Variants in MYO1D observed in about 807,000 individuals in gnomAD.
MYO1D encodes the protein unconventional myosin-Id.
In MYO1D, 83 loss-of-function variants were observed where a neutral mutation model predicts 122.0. That is an observed-to-expected ratio of 0.68 (90% confidence interval 0.57 to 0.82). The LOEUF (loss-of-function observed/expected upper bound fraction) is 0.82, where lower values mean the gene tolerates loss of function less well. MYO1D is among the 40% of genes least tolerant of loss of function. The pLI is 0.00. For missense variants in MYO1D, 1,157 were observed against 1,269.5 expected (o/e 0.91, Z 1.35); for synonymous variants, 464 against 446.9 (o/e 1.04, Z -0.48).
intron 21 of MYO1D, among the ~76,000 whole-genome samples, chr17:32,577,436 T>A (rs960451616): frequency 6.6e-6 from 1 of 152,054 alleles, no homozygotes; most frequent in African/African-American, 2.4e-5. Flanking sequence ...CCTGCCAGGA[T>A]AAGTGATTTA....
At position 32,778,424 on chromosome 17, in the gene MYO1D, GT is replaced by G. The variant is rs753454337; in HGVS notation, c.398+55del. 1.7e-4 allele frequency: 256 copies of G among 1,538,430 alleles called. 1 individual carries two copies. In the Admixed American group the frequency reaches 2.2e-3, roughly 13 times the overall value. ...ACCCCTAGAGTTTAGGTCTAGCCAA[GT>G]CCATAGAGAAAACAGAGTGCTAAGA... is the stretch of plus-strand genomic sequence containing the variant. On this transcript the variant is annotated intron_variant, in intron 3 of 21. Coordinates refer to ENST00000318217, the MANE Select transcript of MYO1D (RefSeq NM_015194.3).
chr17:32,664,412 C>A (rs1481442178), intron 16 of MYO1D, among the ~76,000 whole-genome samples: 1 of 152,122 alleles, frequency 6.6e-6, no homozygotes, highest in Non-Finnish European at 1.5e-5. Flanking sequence ...GATGACAAAG[C>A]CTCAGAAAGC....
At position 32,683,578 on chromosome 17, in the gene MYO1D, G is replaced by A. The variant is rs2088957650; in HGVS notation, c.2122-24240C>T. On this transcript the variant is annotated intron_variant, in intron 16 of 21. Coordinates refer to ENST00000318217, the MANE Select transcript of MYO1D (RefSeq NM_015194.3). ...AGGCTGCTCGGGGGTCAGGGGTCAGGGACCCACTTGAGGAGGCAGTCTGCC... is the reference window on the plus strand; with the variant it reads ...AGGCTGCTCGGGGGTCAGGGGTCAGAGACCCACTTGAGGAGGCAGTCTGCC... Among the ~76,000 whole-genome samples, 3 of 151,926 alleles carry A rather than the reference G, an allele frequency of 2.0e-5. 1 individual carries two copies. The South Asian group carries it at 6.2e-4, about 32-fold the overall frequency.
chr17:32,761,000 A>G (rs144686848), intron 8 of MYO1D, among the ~76,000 whole-genome samples: 1 of 152,296 alleles, frequency 6.6e-6, no homozygotes, highest in African/African-American at 2.4e-5. Flanking sequence ...GTGAGTTAAT[A>G]TCTATGATCC....
chr17:32,700,240 C>G (rs1359894896), intron 16 of MYO1D, among the ~76,000 whole-genome samples: 2 of 152,206 alleles, frequency 1.3e-5, no homozygotes, highest in Non-Finnish European at 2.9e-5. Flanking sequence ...TGAAACTGTT[C>G]CATCAGATCA....
chr17:32,748,892 A>C, intron 12 of MYO1D, 44 bp downstream of exon 12: 2 of 1,517,480 alleles, frequency 1.3e-6, no homozygotes, highest in Non-Finnish European at 1.8e-6. Context: ...TTCTAAAGTG[A>C]GGCGGCATGC....
At position 32,566,329 on chromosome 17, in the gene MYO1D, T is replaced by A. The variant is rs2087173206; in HGVS notation, c.2864+38758A>T. On this transcript the variant is annotated intron_variant, in intron 21 of 21. Transcript: ENST00000318217. ...TCAGGAAAAGGCTTCCTTGGGAAAG[T>A]AGCATTTAAGCTGAAACCTGGAAGA... Among the ~76,000 whole-genome samples the A allele has an allele frequency of 2.0e-5, 3 of 152,218 alleles. No individual in the cohort carries two copies. The South Asian group carries it at 6.2e-4, about 32-fold the overall frequency.
At chr17:32,508,649 G>T (rs562227506) in intron 21 of MYO1D, among the ~76,000 whole-genome samples, 1 of 152,184 alleles carries the variant, frequency 6.6e-6, no homozygotes, top group African/African-American at 2.4e-5. Flanking sequence ...TGCTTACTAA[G>T]TGCCTTACAG....
At chr17:32,518,634 T>A (rs1009511824) in intron 21 of MYO1D, 4 of 152,142 alleles carry the variant, frequency 2.6e-5, no homozygotes, top group Admixed American at 6.6e-5. Context: ...CAGTCAACAC[T>A]AAGACTGGCA....
chr17:32,652,984 T>C (rs1436551554), intron 19 of MYO1D, among the ~76,000 whole-genome samples: 1 of 151,660 alleles, frequency 6.6e-6, no homozygotes, highest in Admixed American at 6.6e-5. Flanking sequence ...TACTAAAGAA[T>C]ACAAAAAATT....
intron 1 of MYO1D, among the ~76,000 whole-genome samples, chr17:32,788,410 T>C (rs776977243): frequency 6.6e-6 from 1 of 152,218 alleles, no homozygotes; most frequent in Admixed American, 6.5e-5. Flanking sequence ...ATAATTTTTA[T>C]GCTTTCAGGT....
At chr17:32,520,992 C>G (rs1030214094) in intron 21 of MYO1D, among the ~76,000 whole-genome samples, 2 of 152,186 alleles carry the variant, frequency 1.3e-5, no homozygotes, top group African/African-American at 4.8e-5. Context: ...GGCGGGGAAT[C>G]GCGCCCCTTT....
At chr17:32,554,681 T>C (rs1319270953) in intron 21 of MYO1D, among the ~76,000 whole-genome samples, 1 of 152,098 alleles carries the variant, frequency 6.6e-6, no homozygotes, top group Non-Finnish European at 1.5e-5. Context: ...TAAATGGTCT[T>C]AATATATAAA....
At chr17:32,826,863 A>T (rs1011902814) in intron 1 of MYO1D, among the ~76,000 whole-genome samples, 10 of 152,240 alleles carry the variant, frequency 6.6e-5, no homozygotes, top group African/African-American at 9.6e-5. Flanking sequence ...ACATATATAT[A>T]TTTTAAACTT....
intron 1 of MYO1D, among the ~76,000 whole-genome samples, chr17:32,798,573 C>A (rs190123378): frequency 1.3e-5 from 2 of 152,266 alleles, no homozygotes; most frequent in African/African-American, 4.8e-5. Context: ...TACTGTAACT[C>A]TTTTGATGCC....
At chr17:32,771,370 T>C (rs1014569996) in intron 5 of MYO1D, 150 bp from the exon 6 acceptor site, 20 of 558,908 alleles carry the variant, frequency 3.6e-5, no homozygotes, top group Non-Finnish European at 5.2e-5. Context: ...TTTGTTTTTT[T>C]AAACATTCAA....
At chr17:32,550,753 T>C (rs1300782146) in intron 21 of MYO1D, among the ~76,000 whole-genome samples, 1 of 152,130 alleles carries the variant, frequency 6.6e-6, no homozygotes, top group Non-Finnish European at 1.5e-5. Flanking sequence ...CCCAGCACTT[T>C]TGGAGGCTGA....
At chr17:32,763,070 C>T (rs2090018803) in intron 8 of MYO1D, among the ~76,000 whole-genome samples, 1 of 145,796 alleles carries the variant, frequency 6.9e-6, no homozygotes, top group Non-Finnish European at 1.5e-5. Context: ...CCTGTAGTTC[C>T]AGCTACTTGG....
intron 16 of MYO1D, among the ~76,000 whole-genome samples, chr17:32,703,123 G>C (rs1199402737): frequency 3.9e-5 from 6 of 152,124 alleles, no homozygotes; most frequent in Non-Finnish European, 8.8e-5. Context: ...AACTACACTG[G>C]AAGAGCTGTT....
Sources: gnomAD v4.1 joint callset for allele counts (sites outside exome capture counted in the v4.1 genomes callset) on GRCh38, gnomAD v4.1.1 for gene constraint, MANE v1.5 for transcripts, NCBI Gene and HGNC (gene_info 2026-07-23, HGNC 2026-07-21) for gene names.